Variants in WWOX observed in about 807,000 individuals in gnomAD.
The protein encoded by WWOX is WW domain containing oxidoreductase.
Under a neutral mutation model 46.2 loss-of-function variants are expected in WWOX, and 69 were observed. The ratio of observed to expected loss-of-function variants is 1.49; its 90% CI spans 1.23 to 1.82. The LOEUF (loss-of-function observed/expected upper bound fraction) is 1.82, where lower values mean the gene tolerates loss of function less well. Among genes scored for constraint, WWOX ranks in the 40% most tolerant of loss-of-function variants. WWOX has a pLI of 0.00. For missense variants in WWOX, 919 were observed against 542.6 expected (o/e 1.69, Z -6.89); for synonymous variants, 359 against 202.6 (o/e 1.77, Z -6.56).
chr16:79,183,376 T>G (rs2050950433), intron 8 of WWOX, among the ~76,000 whole-genome samples: 1 of 152,232 alleles, frequency 6.6e-6, no homozygotes, highest in Non-Finnish European at 1.5e-5. Context: ...ATGCATTTTG[T>G]CAGCCACCGT....
intron 5 of WWOX, among the ~76,000 whole-genome samples, chr16:78,329,937 G>A (rs992425231): frequency 6.6e-6 from 1 of 151,912 alleles, no homozygotes; most frequent in Non-Finnish European, 1.5e-5. Context: ...GTAGAGACAA[G>A]TTCTTGCTAT....
chr16:78,299,799 G>A (rs1468178230), intron 5 of WWOX, among the ~76,000 whole-genome samples: 1 of 152,104 alleles, frequency 6.6e-6, no homozygotes, highest in Non-Finnish European at 1.5e-5. Flanking sequence ...AAAGTGCTGG[G>A]ATTACAGGTG....
At chr16:78,414,342 G>A (rs1255634579) in intron 6 of WWOX, among the ~76,000 whole-genome samples, 1 of 152,190 alleles carries the variant, frequency 6.6e-6, no homozygotes, top group African/African-American at 2.4e-5. Context: ...ACAGAGGTGG[G>A]CAGATCACTT....
chr16:78,931,835 C>G (rs1037395848), intron 8 of WWOX, among the ~76,000 whole-genome samples: 2 of 152,134 alleles, frequency 1.3e-5, no homozygotes, highest in Non-Finnish European at 2.9e-5. Flanking sequence ...TCCCATAATC[C>G]CCACGCCACA....
In WWOX at chr16:79,001,792, T is replaced by C. The variant is rs112118965; in HGVS notation, c.1057-209816T>C. ...GAGAAAGTACAAATGAAAGCCTCTCTGCAGTGAACCTCATGACTGCTTTAG... is the reference window on the plus strand; with the variant it reads ...GAGAAAGTACAAATGAAAGCCTCTCCGCAGTGAACCTCATGACTGCTTTAG... On this transcript the variant is annotated intron_variant, in intron 8 of 8. Coordinates refer to ENST00000566780, the MANE Select transcript of WWOX (RefSeq NM_016373.4). Among the ~76,000 whole-genome samples the C allele has an allele frequency of 8.5e-5, 13 of 152,294 alleles. 1 individual carries two copies. Among genetic ancestry groups the C allele is most frequent in the Admixed American group, 2.6e-4 (4 of 15,296 alleles).
intron 8 of WWOX, among the ~76,000 whole-genome samples, chr16:78,759,387 C>T (rs560165169): frequency 3.9e-5 from 6 of 152,152 alleles, no homozygotes. Flanking sequence ...CTATTCTACC[C>T]TCTCTCTGCT....
chr16:78,769,290 GTC>G (rs1225617447), intron 8 of WWOX, among the ~76,000 whole-genome samples: 1 of 152,090 alleles, frequency 6.6e-6, no homozygotes, highest in Non-Finnish European at 1.5e-5. Context: ...TCGTCCATCC[GTC>G]TGTCCATCCA....
chr16:78,824,899 C>G (rs1037470886), intron 8 of WWOX, among the ~76,000 whole-genome samples: 4 of 152,228 alleles, frequency 2.6e-5, no homozygotes, highest in African/African-American at 9.6e-5. Context: ...AGCGACACAC[C>G]TTTCCTTTGG....
At chr16:78,730,720 A>AAAG (rs2048950392) in intron 8 of WWOX, among the ~76,000 whole-genome samples, 1 of 150,230 alleles carries the variant, frequency 6.7e-6, no homozygotes, top group South Asian at 2.1e-4. Flanking sequence ...TTATCCTCCC[A>AAAG]AAGTGCTGGG....
intron 5 of WWOX, among the ~76,000 whole-genome samples, chr16:78,334,938 A>G (rs1490546266): frequency 7.8e-6 from 1 of 128,852 alleles, no homozygotes; most frequent in Non-Finnish European, 1.7e-5. Context: ...AAAAAAAAAA[A>G]GGCAGCAAAA....
At chr16:78,561,694 C>T (rs1427136962) in intron 8 of WWOX, among the ~76,000 whole-genome samples, 1 of 151,806 alleles carries the variant, frequency 6.6e-6, no homozygotes, top group Non-Finnish European at 1.5e-5. Flanking sequence ...ATATAAACTG[C>T]AAAGAAAGGA....
intron 8 of WWOX, among the ~76,000 whole-genome samples, chr16:78,910,458 T>G (rs887287268): frequency 1.3e-5 from 2 of 151,890 alleles, no homozygotes; most frequent in East Asian, 3.9e-4. Context: ...TTCATCCGTA[T>G]TAGAACAGTG....
chr16:78,855,938 C>T (rs1347785535), intron 8 of WWOX, among the ~76,000 whole-genome samples: 2 of 152,154 alleles, frequency 1.3e-5, no homozygotes, highest in African/African-American at 4.8e-5. Flanking sequence ...GGGAACAAAT[C>T]AATCAAAATG....
At chr16:78,707,217 C>A (rs976227834) in intron 8 of WWOX, among the ~76,000 whole-genome samples, 3 of 152,106 alleles carry the variant, frequency 2.0e-5, no homozygotes, top group African/African-American at 4.8e-5. Context: ...CATCAGAGCA[C>A]CATCAGTCTT....
chr16:78,399,695 T>C (rs563321862), intron 6 of WWOX, among the ~76,000 whole-genome samples: 2 of 152,304 alleles, frequency 1.3e-5, no homozygotes, highest in South Asian at 2.1e-4. Context: ...GTTTCTGTGG[T>C]TTACAATTAT....
At chr16:78,891,116 C>T (rs1259018324) in intron 8 of WWOX, 1 of 152,144 alleles carries the variant, frequency 6.6e-6, no homozygotes, top group African/African-American at 2.4e-5. Context: ...GATAATTTTT[C>T]TCAAAACTGA....
chr16:78,437,333 C>T (rs1008104003), intron 8 of WWOX, among the ~76,000 whole-genome samples: 1 of 152,166 alleles, frequency 6.6e-6, no homozygotes, highest in African/African-American at 2.4e-5. Flanking sequence ...AATATTGTTG[C>T]AGATCAGTAA....
rs147487201 is a variant in WWOX, at chr16:78,327,971, G to T, written c.517-58889G>T. ...GGCTCATGGCAACCTCAAACTTCTG[G>T]GCTCAAGCCAGCCGCCCATCTCAGC... On this transcript the variant is annotated intron_variant, in intron 5 of 8. Coordinates refer to ENST00000566780, the MANE Select transcript of WWOX (RefSeq NM_016373.4). 2.9e-3 allele frequency among the ~76,000 whole-genome samples: 432 copies of T among 148,522 alleles called. 4 individuals are homozygous for T. The highest frequency in any genetic ancestry group is 0.01 in the African/African-American group (411 of 40,052).
intron 5 of WWOX, among the ~76,000 whole-genome samples, chr16:78,312,926 C>T (rs1858425710): frequency 2.0e-5 from 3 of 152,218 alleles, no homozygotes; most frequent in Admixed American, 1.3e-4. Flanking sequence ...GTGCCATTCT[C>T]TCCCCTTATC....
Sources: allele counts gnomAD v4.1 joint callset (sites outside exome capture counted in the v4.1 genomes callset), GRCh38; gene constraint gnomAD v4.1.1; transcripts MANE v1.5; gene names NCBI Gene and HGNC (gene_info 2026-07-23, HGNC 2026-07-21).